The following PKD1L3 variants were observed in gnomAD, a reference collection of about 807,000 sequenced individuals.
PKD1L3 encodes polycystin 1 like 3, transient receptor potential channel interacting.
A neutral mutation model predicts 184.1 loss-of-function variants in PKD1L3; 239 were observed. The ratio of observed to expected loss-of-function variants is 1.30; its 90% confidence interval spans 1.17 to 1.45. The LOEUF is 1.45. Ranked by LOEUF, PKD1L3 falls within the 40% of genes most tolerant of loss-of-function variation. The pLI is 0.00. For synonymous variants in PKD1L3, 996 were observed against 778.8 expected, an observed-to-expected ratio of 1.28 and a Z score of -4.64; for missense variants, 2,660 against 2,067.2, an observed-to-expected ratio of 1.29 and a Z score of -5.56.
chr16:71,980,230 C>T (rs2040097185), intron 7 of PKD1L3, 96 bp from the exon 8 acceptor site: 3 of 1,426,282 alleles, frequency 2.1e-6, no homozygotes, highest in Non-Finnish European at 9.5e-7. Context: ...GGAATTTTCA[C>T]AGTGTTGTAA....
At chr16:71,944,705 G>GTT (rs57890181) in intron 22 of PKD1L3, among the ~76,000 whole-genome samples, 1 of 142,706 alleles carries the variant, frequency 7.0e-6, no homozygotes, top group Non-Finnish European at 1.5e-5. Context: ...TTTTTTGTTT[G>GTT]TTTTTTTTTT....
At chr16:71,981,819 G>A (rs1166180552) in intron 7 of PKD1L3, among the ~76,000 whole-genome samples, 1 of 152,122 alleles carries the variant, frequency 6.6e-6, no homozygotes, top group African/African-American at 2.4e-5. Flanking sequence ...GGGATTACAG[G>A]TGTGAGCCAC....
chr16:71,989,936 G>A (rs1279053676), intron 4 of PKD1L3, among the ~76,000 whole-genome samples: 1 of 152,048 alleles, frequency 6.6e-6, no homozygotes. Flanking sequence ...TTAGCTGGGT[G>A]TGGTGGCGCA....
intron 25 of PKD1L3, among the ~76,000 whole-genome samples, chr16:71,935,763 A>G (rs1012811484): frequency 7.9e-5 from 12 of 152,338 alleles, no homozygotes; most frequent in Admixed American, 5.9e-4. Context: ...CTTGGAGATC[A>G]TAAACTGTCA....
intron 3 of PKD1L3, among the ~76,000 whole-genome samples, chr16:71,991,458 C>CA (rs1047210829): frequency 2.4e-4 from 36 of 151,430 alleles, no homozygotes; most frequent in African/African-American, 3.9e-4. Flanking sequence ...TTCAAGATGA[C>CA]AAAAAAAATA....
At chr16:71,971,406 G>A (rs1305737047) in intron 12 of PKD1L3, among the ~76,000 whole-genome samples, 2 of 152,116 alleles carry the variant, frequency 1.3e-5, no homozygotes, top group African/African-American at 2.4e-5. Flanking sequence ...CTCCAGTACT[G>A]TCATTATGAC....
At chr16:71,971,663 C>G (rs2143633653) in intron 12 of PKD1L3, among the ~76,000 whole-genome samples, 1 of 152,336 alleles carries the variant, frequency 6.6e-6, no homozygotes, top group South Asian at 2.1e-4. Context: ...CTGGGATCAG[C>G]TGGAAGCTTG....
At position 71,954,119 on chromosome 16, in the gene PKD1L3, T is replaced by G. The variant is rs78839588; in HGVS notation, c.2795A>C (p.Lys932Thr). 994 of 1,543,190 alleles carry G rather than the reference T, an allele frequency of 6.4e-4. 10 individuals are homozygous for G. In the African/African-American group the frequency reaches 0.013, roughly 20 times the overall value. ...CTCATCCATACTTTGCTCATCTCTCTTGGCAGTGGTGCTGTTTATCTTCCA... is the reference window on the plus strand; with the variant it reads ...CTCATCCATACTTTGCTCATCTCTCGTGGCAGTGGTGCTGTTTATCTTCCA... ...MFWKINSTTA[K>T]RDEQMRPFAV... Residue 932 changes from lysine (K) to threonine (T), a missense_variant, in exon 17 of 30, where the codon AAG (lysine) becomes ACG (threonine). Physicochemically the swap from Lys to Thr is moderately conservative, Grantham distance 78. Coordinates refer to ENST00000620267, the MANE Select transcript of PKD1L3 (RefSeq NM_181536.2).
Position 71,967,140 on chromosome 16 carries a change from G to A in PKD1L3, c.2462C>T (p.Ser821Phe), listed in dbSNP as rs375646052. The A allele has an allele frequency of 3.6e-5, 56 of 1,551,494 alleles. No individual in the cohort carries two copies. The African/African-American group carries it at 6.3e-4, about 17-fold the overall frequency. ...LWHDNSGVSP[S>F]WYVSQVIVCD... ...CCAACAGGATATAAGTACTCACCAG[G>A]AGGGACTGACGCCAGAATTGTCATG... Residue 821 changes from serine to phenylalanine, a missense_variant, in exon 15 of 30, where the codon TCC becomes TTC. Transcript: ENST00000620267.
intron 12 of PKD1L3, among the ~76,000 whole-genome samples, chr16:71,971,615 C>G (rs536590688): frequency 6.6e-6 from 1 of 152,312 alleles, no homozygotes; most frequent in South Asian, 2.1e-4. Flanking sequence ...AGCTCTCAAG[C>G]TTCTCTACTC....
intron 16 of PKD1L3, among the ~76,000 whole-genome samples, chr16:71,961,564 T>C (rs2039280231): frequency 8.7e-6 from 1 of 115,054 alleles, no homozygotes; most frequent in African/African-American, 2.9e-5. Flanking sequence ...GCAGAAGCCA[T>C]ACATAGGTGC....
At chr16:71,950,784 G>A (rs1266899754) in intron 19 of PKD1L3, among the ~76,000 whole-genome samples, 1 of 149,402 alleles carries the variant, frequency 6.7e-6, no homozygotes, top group Admixed American at 6.7e-5. Flanking sequence ...TCCAGGCTGA[G>A]TGTAGTGGCA....
chr16:71,971,490 T>C (rs951285968), intron 12 of PKD1L3, among the ~76,000 whole-genome samples: 1 of 152,112 alleles, frequency 6.6e-6, no homozygotes, highest in African/African-American at 2.4e-5. Context: ...TCTTGCGCTG[T>C]ATTTGGGGCA....
At position 71,984,182 on chromosome 16, in the gene PKD1L3, G is replaced by T; in HGVS notation, c.835-15C>A. ...TCATCTATGACCTATTGGGAACAAA[G>T]AAGTTGTCAAAATTACTCATACAAA... is the stretch of plus-strand genomic sequence containing the variant. On this transcript the variant is annotated splice_polypyrimidine_tract_variant and intron_variant, in intron 5 of 29. Transcript: ENST00000620267. 5 of 1,550,178 alleles carry T rather than the reference G, an allele frequency of 3.2e-6. No individual in the cohort carries two copies. The highest frequency in any genetic ancestry group is 4.4e-6 in the Non-Finnish European group (5 of 1,145,942).
At chr16:71,986,583 A>T in intron 4 of PKD1L3, 114 bp from the exon 5 acceptor site, 1 of 1,181,566 alleles carries the variant, frequency 8.5e-7, no homozygotes. Context: ...ACTAATAGGC[A>T]TTTCTGTTAA....
chr16:71,957,968 C>T lies in PKD1L3; in HGVS notation c.2613-3667G>A, dbSNP rs373515256. On this transcript the variant is annotated intron_variant, in intron 16 of 29. Transcript: ENST00000620267. ...TTGCTAGCCAGCCATATAGCTGTCA[C>T]AATGTTTCTGCTTAGGAACTGCTCC... is the stretch of plus-strand genomic sequence containing the variant. Among the ~76,000 whole-genome samples the T allele has an allele frequency of 1.8e-4, 28 of 152,310 alleles. No individual in the cohort carries two copies. In the East Asian group the frequency reaches 3.9e-3, roughly 21 times the overall value.
intron 7 of PKD1L3, among the ~76,000 whole-genome samples, chr16:71,981,787 T>G (rs1361981483): frequency 1.3e-5 from 2 of 152,076 alleles, no homozygotes; most frequent in African/African-American, 4.8e-5. Flanking sequence ...GTGATCTGCC[T>G]GCCTTGGCCT....
At position 71,973,507 on chromosome 16, in the gene PKD1L3, G is replaced by C. The variant is rs151000725; in HGVS notation, c.1770C>G (p.Tyr590Ter). 71 of 1,551,608 alleles carry C rather than the reference G, an allele frequency of 4.6e-5. 1 individual carries two copies. The African/African-American group carries it at 9.6e-4, about 21-fold the overall frequency. The change falls in exon 12 of 30, where the codon TAC becomes TAG. Residue 590 changes from tyrosine to a stop codon, truncating the protein, a stop_gained. Transcript: ENST00000620267. LOFTEE classifies it high-confidence loss of function. ...KDKVWQKDEEYTWVLNPEHLQ... is the reference protein window; with the variant it reads ...KDKVWQKDEE ...GATGCTCTGGATTCAGCACCCACGT[G>C]TACTCCTCATCTTAGAACAAAGAAG...
At chr16:71,977,170 G>C in intron 11 of PKD1L3, 66 bp downstream of exon 11, 2 of 1,195,138 alleles carry the variant, frequency 1.7e-6, no homozygotes, top group East Asian at 2.6e-5. Flanking sequence ...CAATGATGGT[G>C]CCACTGCACT....
Sources: gnomAD v4.1 joint callset for allele counts (sites outside exome capture counted in the v4.1 genomes callset) on GRCh38, gnomAD v4.1.1 for gene constraint, MANE v1.5 for transcripts, NCBI Gene and HGNC (gene_info 2026-07-23, HGNC 2026-07-21) for gene names.